SPATA16: variants seen among roughly 807,000 people sequenced by gnomAD.
The protein encoded by SPATA16 is spermatogenesis associated 16.
SPATA16 carries 36 observed loss-of-function variants against 63.3 expected under a neutral mutation model. That is an observed-to-expected ratio of 0.57 (90% confidence interval 0.44 to 0.75). SPATA16 has a LOEUF of 0.75. SPATA16 is among the 30% of genes least tolerant of loss of function. SPATA16 has a pLI of 0.00. For synonymous variants in SPATA16, 203 were observed against 216.7 expected, an observed-to-expected ratio of 0.94 and a Z score of 0.56; for missense variants, 646 against 679.3, an observed-to-expected ratio of 0.95 and a Z score of 0.54.
intron 10 of SPATA16, among the ~76,000 whole-genome samples, chr3:172,901,053 T>C (rs1401097507): frequency 6.6e-6 from 1 of 152,046 alleles, no homozygotes; most frequent in Admixed American, 6.6e-5. Flanking sequence ...TATTTTATTT[T>C]TTCAGTTCTA....
chr3:173,083,543 C>G (rs746053396), intron 2 of SPATA16, among the ~76,000 whole-genome samples: 1 of 152,134 alleles, frequency 6.6e-6, no homozygotes, highest in Non-Finnish European at 1.5e-5. Flanking sequence ...AGGTTTGTCA[C>G]ATAGGTAAAC....
intron 6 of SPATA16, among the ~76,000 whole-genome samples, chr3:172,938,633 T>G (rs1331396781): frequency 6.6e-6 from 1 of 152,092 alleles, no homozygotes; most frequent in Non-Finnish European, 1.5e-5. Flanking sequence ...TATCTTGAGT[T>G]TCTTCAAAAA....
At chr3:172,914,660 G>T (rs999992363) in intron 9 of SPATA16, among the ~76,000 whole-genome samples, 2 of 151,842 alleles carry the variant, frequency 1.3e-5, no homozygotes, top group East Asian at 1.9e-4. Flanking sequence ...ATTATTGAAG[G>T]TCATCAAACC....
At chr3:172,923,671 TGAAAAGTAGAAA>T (rs1732664335) in intron 8 of SPATA16, among the ~76,000 whole-genome samples, 1 of 152,284 alleles carries the variant, frequency 6.6e-6, no homozygotes, top group East Asian at 1.9e-4. Context: ...TCTTTAAGAC[TGAAAAGTAGAAA>T]AGGCATATTT....
chr3:173,120,098 A>AG (rs1439292373), intron 1 of SPATA16, among the ~76,000 whole-genome samples: 8 of 151,936 alleles, frequency 5.3e-5, no homozygotes, highest in Non-Finnish European at 8.8e-5. Flanking sequence ...AAAAAAAAAA[A>AG]AAAGAGAGAG....
chr3:173,080,642 A>G (rs1023468860), intron 2 of SPATA16, among the ~76,000 whole-genome samples: 3 of 152,198 alleles, frequency 2.0e-5, no homozygotes, highest in Admixed American at 6.6e-5. Context: ...TTGATGACTA[A>G]TGGAAGAACT....
chr3:172,936,657 G>A (rs1226643872), intron 6 of SPATA16, among the ~76,000 whole-genome samples: 3 of 151,972 alleles, frequency 2.0e-5, no homozygotes, highest in Non-Finnish European at 4.4e-5. Context: ...ATAGTTGCTT[G>A]GTCAGAAGTA....
chr3:172,960,867 T>A (rs375902301), intron 5 of SPATA16, among the ~76,000 whole-genome samples: 1 of 94,996 alleles, frequency 1.1e-5, no homozygotes, highest in Admixed American at 1.0e-4. Context: ...GTAACTTACT[T>A]TCTTTCTCTC....
At chr3:173,102,355 G>A (rs1318536875) in intron 2 of SPATA16, among the ~76,000 whole-genome samples, 1 of 152,202 alleles carries the variant, frequency 6.6e-6, no homozygotes, top group Non-Finnish European at 1.5e-5. Context: ...CCAAGGGTGG[G>A]TAATTTATAA....
chr3:172,907,723 G>A (rs1417257524), intron 10 of SPATA16, among the ~76,000 whole-genome samples: 1 of 151,828 alleles, frequency 6.6e-6, no homozygotes, highest in African/African-American at 2.4e-5. Flanking sequence ...TTACAGGTGC[G>A]TGCCACCATG....
rs183839642 is a variant in SPATA16 at position 173,118,383 on chromosome 3, T to C, written c.-18-634A>G. On this transcript the variant is annotated intron_variant, in intron 1 of 10. Coordinates refer to ENST00000351008, the MANE Select transcript of SPATA16 (RefSeq NM_031955.6). ...ATGTGAGCCATAGACTTATCTTTAGTCTACTGTATTAGTCTATTTGTAGTA... is the reference window on the plus strand; with the variant it reads ...ATGTGAGCCATAGACTTATCTTTAGCCTACTGTATTAGTCTATTTGTAGTA... Among the ~76,000 whole-genome samples, 227 of 152,370 alleles carry C rather than the reference T, an allele frequency of 1.5e-3. 2 individuals carry two copies. The highest frequency in any genetic ancestry group is 2.6e-3 in the Non-Finnish European group (180 of 68,036).
intron 8 of SPATA16, among the ~76,000 whole-genome samples, 194 bp from the exon 9 acceptor site, chr3:172,916,675 A>G (rs1276976852): frequency 6.6e-6 from 1 of 152,130 alleles, no homozygotes; most frequent in East Asian, 1.9e-4. Flanking sequence ...ATATACATAA[A>G]AGGGAGTCCT....
intron 10 of SPATA16, among the ~76,000 whole-genome samples, chr3:172,900,383 G>A (rs1222943366): frequency 6.6e-6 from 1 of 151,982 alleles, no homozygotes; most frequent in African/African-American, 2.4e-5. Flanking sequence ...ATGTATCCCG[G>A]TATAAATTTC....
chr3:173,016,073 T>C (rs755066545), intron 4 of SPATA16, among the ~76,000 whole-genome samples: 2 of 152,202 alleles, frequency 1.3e-5, no homozygotes, highest in Non-Finnish European at 2.9e-5. Flanking sequence ...TATCTTAACT[T>C]AATTTGTGGT....
intron 2 of SPATA16, among the ~76,000 whole-genome samples, chr3:173,071,609 T>C (rs1000943028): frequency 1.3e-5 from 2 of 152,060 alleles, no homozygotes; most frequent in Non-Finnish European, 2.9e-5. Flanking sequence ...AAAAACTTGA[T>C]AGGAAGAAAA....
At chr3:172,923,327 T>C (rs1432312646) in intron 8 of SPATA16, among the ~76,000 whole-genome samples, 1 of 152,212 alleles carries the variant, frequency 6.6e-6, no homozygotes, top group Non-Finnish European at 1.5e-5. Context: ...GAATCGCAAA[T>C]CGTGCAAACA....
intron 2 of SPATA16, among the ~76,000 whole-genome samples, chr3:173,057,115 C>CTTTTTT (rs397876631): frequency 7.2e-5 from 10 of 138,186 alleles, no homozygotes; most frequent in East Asian, 2.1e-4. Context: ...CTTTTCTTTT[C>CTTTTTT]TTTTTTTTTT....
chr3:173,006,752 A>G (rs1337644168), intron 4 of SPATA16, among the ~76,000 whole-genome samples: 1 of 152,148 alleles, frequency 6.6e-6, no homozygotes. Flanking sequence ...AGATTTCTGA[A>G]CACCTCAATT....
At chr3:173,014,920 A>G (rs556359049) in intron 4 of SPATA16, among the ~76,000 whole-genome samples, 1 of 152,332 alleles carries the variant, frequency 6.6e-6, no homozygotes, top group East Asian at 1.9e-4. Flanking sequence ...TAGTTCGCAG[A>G]ACATATTTTA....
Sources: allele counts gnomAD v4.1 joint callset (sites outside exome capture counted in the v4.1 genomes callset), GRCh38; gene constraint gnomAD v4.1.1; transcripts MANE v1.5; gene names NCBI Gene and HGNC (gene_info 2026-07-23, HGNC 2026-07-21).